Variants in CCDC149 observed in about 807,000 individuals in gnomAD.
CCDC149 encodes the protein coiled-coil domain containing 149.
CCDC149 carries 45 observed loss-of-function variants against 59.9 expected under a neutral mutation model. That is an observed-to-expected ratio of 0.75 (90% CI 0.59 to 0.96). The LOEUF (loss-of-function observed/expected upper bound fraction) is 0.96. Among genes scored for constraint, CCDC149 ranks in the 40% least tolerant of loss-of-function variants. The pLI, the probability that CCDC149 is intolerant of heterozygous loss-of-function variation, is 0.00. For synonymous variants in CCDC149, 245 were observed against 260.6 expected (o/e 0.94, Z 0.58); for missense variants, 584 against 664.7 (o/e 0.88, Z 1.33).
intron 3 of CCDC149, 117 bp downstream of exon 3, chr4:24,873,564 A>G: frequency 2.6e-6 from 2 of 763,234 alleles, no homozygotes; most frequent in Admixed American, 2.3e-5. Flanking sequence ...TACTCCTCCC[A>G]ATAACAGAAA....
chr4:24,845,225 G>A (rs1717207943), intron 4 of CCDC149, among the ~76,000 whole-genome samples: 1 of 152,190 alleles, frequency 6.6e-6, no homozygotes, highest in Non-Finnish European at 1.5e-5. Context: ...GACACCCTAA[G>A]CTCGCTCCCC....
chr4:24,916,787 G>GGGGTGTGTGT (rs145861125), upstream of CCDC149, among the ~76,000 whole-genome samples: 198 of 142,014 alleles, frequency 1.4e-3, 1 homozygote, highest in Admixed American at 4.3e-3. Context: ...GGTTTATAAT[G>GGGGTGTGTGT]GTGTGTGTGT....
intron 1 of CCDC149, among the ~76,000 whole-genome samples, chr4:24,884,783 T>A (rs962070769): frequency 6.6e-6 from 1 of 152,230 alleles, no homozygotes; most frequent in Non-Finnish European, 1.5e-5. Context: ...TTAGTATATG[T>A]AAAACATTTA....
intron 1 of CCDC149, among the ~76,000 whole-genome samples, chr4:24,878,046 A>G (rs1406063807): frequency 6.6e-6 from 1 of 152,222 alleles, no homozygotes; most frequent in African/African-American, 2.4e-5. Flanking sequence ...ACGCTCACAC[A>G]AAGCAGAGCG....
chr4:24,931,331 A>ATATATATATATC (rs1394185015), intron 1 of CCDC149, among the ~76,000 whole-genome samples: 147 of 147,512 alleles, frequency 1.0e-3, no homozygotes, highest in African/African-American at 3.3e-3. Context: ...ATATATATAT[A>ATATATATATATC]TCTCAGTACA....
rs911173583 is a variant in CCDC149 at position 24,838,361 on chromosome 4, G to A, written c.373-89C>T. Reference sequence around the variant, plus strand: ...AAAGGACACTAAGAAACTTTTGGAAGATAAGATACTTTCAAGAAATACTGG... The same window carrying A: ...AAAGGACACTAAGAAACTTTTGGAAAATAAGATACTTTCAAGAAATACTGG... On this transcript the variant is annotated intron_variant, in intron 4 of 12. Coordinates refer to ENST00000635206, the MANE Select transcript of CCDC149 (RefSeq NM_001330643.2). The A allele has an allele frequency of 1.0e-5, 9 of 885,728 alleles. No individual in the cohort carries two copies. The Admixed American group carries it at 1.2e-4, about 11-fold the overall frequency. The allele number at this position is 885,728 out of a possible 1,614,324, so 54.9% of individuals were successfully genotyped here. A position where few individuals can be genotyped will look rare whatever the true frequency, so the allele number is the denominator to read the frequency against.
chr4:24,874,244 GTTTTT>G (rs5856868), intron 2 of CCDC149, among the ~76,000 whole-genome samples: 1 of 87,486 alleles, frequency 1.1e-5, no homozygotes, highest in African/African-American at 5.8e-5. Flanking sequence ...TATTAGATTT[GTTTTT>G]TTTTTTTTTT....
chr4:24,947,219 C>T (rs1263766856), intron 1 of CCDC149, among the ~76,000 whole-genome samples: 1 of 152,156 alleles, frequency 6.6e-6, no homozygotes, highest in Non-Finnish European at 1.5e-5. Flanking sequence ...ATAATCCCCA[C>T]ATGTCATGGG....
rs75140830 is a variant in CCDC149, at chr4:24,845,779, A to C, written c.372+7293T>G. On this transcript the variant is annotated intron_variant, in intron 4 of 12. Coordinates refer to ENST00000635206, the MANE Select transcript of CCDC149 (RefSeq NM_001330643.2). ...AGTACTACTGCTATCCCCATTGTAC[A>C]GATGAGAACAACTAAGGCACGAAGA... 6.4e-3 allele frequency among the ~76,000 whole-genome samples: 971 copies of C among 152,338 alleles called. 12 individuals carry two copies. Among genetic ancestry groups the C allele is most frequent in the African/African-American group, 0.022 (907 of 41,572 alleles).
intron 1 of CCDC149, among the ~76,000 whole-genome samples, chr4:24,937,722 C>T (rs1206324536): frequency 6.6e-6 from 1 of 152,166 alleles, no homozygotes; most frequent in Non-Finnish European, 1.5e-5. Context: ...AAGTGATGTG[C>T]ATCACTTCTA....
chr4:24,818,358 T>C (rs1190957745), intron 12 of CCDC149, among the ~76,000 whole-genome samples: 1 of 152,222 alleles, frequency 6.6e-6, no homozygotes, highest in East Asian at 1.9e-4. Context: ...GGTGTAACTC[T>C]GCAGATGGAA....
At chr4:24,876,720 C>G in intron 1 of CCDC149, 23 bp from the exon 2 acceptor site, 1 of 1,586,980 alleles carries the variant, frequency 6.3e-7, no homozygotes, top group Non-Finnish European at 8.6e-7. Flanking sequence ...CAAATCCAGG[C>G]AATGGGTCAA....
At chr4:24,826,168 C>A (rs1715728078) in intron 9 of CCDC149, among the ~76,000 whole-genome samples, 1 of 151,880 alleles carries the variant, frequency 6.6e-6, no homozygotes, top group Admixed American at 6.6e-5. Context: ...ACCATGTTGC[C>A]CAGGCTGGTT....
intron 1 of CCDC149, among the ~76,000 whole-genome samples, chr4:24,918,597 C>G (rs1476951739): frequency 6.6e-6 from 1 of 152,216 alleles, no homozygotes. Context: ...ATTCACGACT[C>G]TAAGGTGCAA....
intron 1 of CCDC149, among the ~76,000 whole-genome samples, chr4:24,880,949 G>A (rs563036145): frequency 1.3e-5 from 2 of 152,266 alleles, no homozygotes; most frequent in South Asian, 2.1e-4. Flanking sequence ...CACCACTGTC[G>A]AATATCACTG....
intron 12 of CCDC149, among the ~76,000 whole-genome samples, chr4:24,814,756 T>TAAGAACAAACA (rs1714903293): frequency 6.6e-6 from 1 of 152,184 alleles, no homozygotes; most frequent in Admixed American, 6.6e-5. Flanking sequence ...GCTCATAACC[T>TAAGAACAAACA]GGCATTCAAG....
At chr4:24,976,668 G>A (rs773527603) in intron 1 of CCDC149, among the ~76,000 whole-genome samples, 5 of 152,112 alleles carry the variant, frequency 3.3e-5, no homozygotes, top group African/African-American at 4.8e-5. Flanking sequence ...AGCCGAGATC[G>A]TGCCACTGCA....
intron 1 of CCDC149, among the ~76,000 whole-genome samples, chr4:24,936,561 C>T (rs1050691779): frequency 1.2e-4 from 19 of 152,156 alleles, no homozygotes; most frequent in Admixed American, 4.6e-4. Context: ...TTTGTGGTAA[C>T]AACATTCAAA....
At chr4:24,810,650 C>T (rs891706683) in intron 12 of CCDC149, among the ~76,000 whole-genome samples, 12 of 152,118 alleles carry the variant, frequency 7.9e-5, no homozygotes, top group Non-Finnish European at 1.6e-4. Flanking sequence ...TTTGAATGCA[C>T]CACAATTTCC....
Sources: gnomAD v4.1 joint callset for allele counts (sites outside exome capture counted in the v4.1 genomes callset) on GRCh38, gnomAD v4.1.1 for gene constraint, MANE v1.5 for transcripts, NCBI Gene and HGNC (gene_info 2026-07-23, HGNC 2026-07-21) for gene names.